The following NARS2 variants were observed in gnomAD, a reference collection of about 807,000 sequenced individuals.
NARS2 encodes the protein asparaginyl-tRNA synthetase.
In NARS2, 60 loss-of-function variants were observed where a neutral mutation model predicts 62.9. That is an observed-to-expected ratio of 0.95 (90% CI 0.77 to 1.18). The LOEUF (loss-of-function observed/expected upper bound fraction) is 1.18, where lower values mean the gene tolerates loss of function less well. NARS2 is among the 50% of genes most tolerant of loss of function. The pLI, the probability that NARS2 is intolerant of heterozygous loss-of-function variation, is 0.00. For missense variants in NARS2, 619 were observed against 576.4 expected (o/e 1.07, Z -0.76); for synonymous variants, 196 against 200.0 (o/e 0.98, Z 0.17).
At chr11:78,535,211 C>T (rs906214081) in intron 5 of NARS2, among the ~76,000 whole-genome samples, 5 of 152,122 alleles carry the variant, frequency 3.3e-5, no homozygotes, top group Admixed American at 6.5e-5. Context: ...GTGTTTTCCC[C>T]CGCCAAGGAA....
At chr11:78,453,662 G>T (rs1221028553) in intron 11 of NARS2, among the ~76,000 whole-genome samples, 1 of 152,168 alleles carries the variant, frequency 6.6e-6, no homozygotes, top group Non-Finnish European at 1.5e-5. Context: ...ATGGGGCAAG[G>T]TTACACACTA....
intron 5 of NARS2, among the ~76,000 whole-genome samples, chr11:78,547,493 A>G (rs1855926026): frequency 6.6e-6 from 1 of 152,142 alleles, no homozygotes; most frequent in Non-Finnish European, 1.5e-5. Context: ...CATACTTTTA[A>G]AAGAATGAGG....
intron 5 of NARS2, among the ~76,000 whole-genome samples, chr11:78,529,247 T>C (rs1289083890): frequency 6.6e-6 from 1 of 152,240 alleles, no homozygotes; most frequent in East Asian, 1.9e-4. Context: ...CAAGAAATTA[T>C]GAATTAATTT....
At chr11:78,545,427 C>A (rs1855826891) in intron 5 of NARS2, among the ~76,000 whole-genome samples, 1 of 152,108 alleles carries the variant, frequency 6.6e-6, no homozygotes. Context: ...GAGGCTGCTC[C>A]AGCCACAGAA....
intron 4 of NARS2, among the ~76,000 whole-genome samples, chr11:78,560,620 T>C (rs1856526686): frequency 1.3e-5 from 2 of 152,152 alleles, no homozygotes; most frequent in Admixed American, 6.5e-5. Flanking sequence ...TATGCATTAC[T>C]AGGGACCTCC....
intron 6 of NARS2, among the ~76,000 whole-genome samples, chr11:78,516,178 A>G (rs1025432859): frequency 6.6e-6 from 1 of 152,388 alleles, no homozygotes; most frequent in Non-Finnish European, 1.5e-5. Flanking sequence ...CAAGTATAAT[A>G]TATCAAACAT....
chr11:78,528,808 A>G (rs755069649), intron 6 of NARS2, 34 bp downstream of exon 6: 4 of 1,414,010 alleles, frequency 2.8e-6, no homozygotes, highest in Non-Finnish European at 1.0e-6. Context: ...AAACCATAAT[A>G]TATCAAAGCA....
chr11:78,467,780 A>C (rs1858684757), intron 10 of NARS2, among the ~76,000 whole-genome samples: 1 of 152,018 alleles, frequency 6.6e-6, no homozygotes, highest in Admixed American at 6.6e-5. Context: ...TTTGATTATG[A>C]TAATCTGTTA....
At chr11:78,456,552 T>C (rs1485240778) in intron 11 of NARS2, among the ~76,000 whole-genome samples, 1 of 152,220 alleles carries the variant, frequency 6.6e-6, no homozygotes, top group Non-Finnish European at 1.5e-5. Flanking sequence ...GGGAAATTTA[T>C]TGCACACCCC....
intron 11 of NARS2, among the ~76,000 whole-genome samples, chr11:78,458,617 A>T (rs373925404): frequency 3.9e-5 from 6 of 152,216 alleles, no homozygotes; most frequent in African/African-American, 1.4e-4. Context: ...CAGCAGATCA[A>T]CTCACTACTC....
At chr11:78,469,778 G>A (rs1227416950) in intron 9 of NARS2, among the ~76,000 whole-genome samples, 1 of 152,106 alleles carries the variant, frequency 6.6e-6, no homozygotes, top group East Asian at 1.9e-4. Context: ...GAGAGAGAGA[G>A]CGAGAGATGC....
intron 13 of NARS2, among the ~76,000 whole-genome samples, chr11:78,437,253 T>A (rs1486490027): frequency 6.6e-6 from 1 of 152,236 alleles, no homozygotes; most frequent in Non-Finnish European, 1.5e-5. Context: ...TTTTGCCTGT[T>A]ACATTATGAA....
At chr11:78,514,821 C>T (rs975730065) in intron 6 of NARS2, among the ~76,000 whole-genome samples, 7 of 152,202 alleles carry the variant, frequency 4.6e-5, no homozygotes, top group Non-Finnish European at 1.0e-4. Flanking sequence ...TAGACAGAGA[C>T]ACTAAATCAT....
intron 2 of NARS2, among the ~76,000 whole-genome samples, chr11:78,570,008 G>A (rs538582360): frequency 6.6e-6 from 1 of 152,224 alleles, no homozygotes; most frequent in Admixed American, 6.5e-5. Context: ...GGCCAACATG[G>A]TAAAATTCTG....
intron 7 of NARS2, among the ~76,000 whole-genome samples, chr11:78,485,885 A>C (rs1373933908): frequency 6.6e-6 from 1 of 151,876 alleles, no homozygotes; most frequent in African/African-American, 2.4e-5. Context: ...TATTACTACT[A>C]TTTTTTGAGA....
At chr11:78,438,321 T>C (rs1434272449) in intron 13 of NARS2, among the ~76,000 whole-genome samples, 2 of 152,192 alleles carry the variant, frequency 1.3e-5, no homozygotes, top group Non-Finnish European at 2.9e-5. Flanking sequence ...GGGAGGCACA[T>C]TCAGTTATTC....
At chr11:78,563,885 G>GTATTAT (rs550249150) in intron 4 of NARS2, among the ~76,000 whole-genome samples, 7,190 of 81,874 alleles carry the variant, frequency 0.088, 397 homozygotes, top group South Asian at 0.14. Context: ...CACACACACA[G>GTATTAT]TATTATTATT....
At chr11:78,564,373 T>C (rs554743732) in intron 4 of NARS2, among the ~76,000 whole-genome samples, 6 of 152,260 alleles carry the variant, frequency 3.9e-5, no homozygotes, top group African/African-American at 1.4e-4. Context: ...TTATTTTTAC[T>C]AGAGACCAAG....
At chr11:78,513,750 A>G (rs1266992755) in intron 6 of NARS2, among the ~76,000 whole-genome samples, 1 of 152,064 alleles carries the variant, frequency 6.6e-6, no homozygotes, top group East Asian at 1.9e-4. Context: ...TCTACTAAGG[A>G]TTAATCTGAT....
Sources: gnomAD v4.1 joint callset for allele counts (sites outside exome capture counted in the v4.1 genomes callset) on GRCh38, gnomAD v4.1.1 for gene constraint, MANE v1.5 for transcripts, NCBI Gene and HGNC (gene_info 2026-07-23, HGNC 2026-07-21) for gene names.